Variants in THSD7B observed in about 807,000 individuals in gnomAD.
THSD7B encodes the protein thrombospondin type 1 domain containing 7B, also known as thrombospondin type-1 domain-containing protein 7B.
A neutral mutation model predicts 213.6 loss-of-function variants in THSD7B; 138 were observed. The observed-to-expected ratio is 0.65, with a 90% CI of 0.56 to 0.74. THSD7B has a LOEUF of 0.74. Among genes scored for constraint, THSD7B ranks in the 30% least tolerant of loss-of-function variants. The pLI is 0.00. For missense variants in THSD7B, 1,931 were observed against 1,991.5 expected (o/e 0.97, Z 0.58); for synonymous variants, 742 against 687.0 (o/e 1.08, Z -1.25).
chr2:137,517,909 T>A (rs1216581270), intron 15 of THSD7B, among the ~76,000 whole-genome samples: 1 of 152,156 alleles, frequency 6.6e-6, no homozygotes, highest in Non-Finnish European at 1.5e-5. Context: ...AACTGAATGT[T>A]TGACTGTGGG....
chr2:137,298,986 A>G (rs1202271099), intron 12 of THSD7B, among the ~76,000 whole-genome samples: 1 of 152,066 alleles, frequency 6.6e-6, no homozygotes, highest in Non-Finnish European at 1.5e-5. Flanking sequence ...GAAAGCCACT[A>G]TCCTCCAGAC....
In THSD7B at chr2:136,983,348, CAGACACACAG is replaced by C. The variant is rs1474158771; in HGVS notation, c.140-73070_140-73061del. On this transcript the variant is annotated intron_variant, in intron 2 of 27. Coordinates refer to ENST00000409968, the MANE Select transcript of THSD7B (RefSeq NM_001316349.2). Reference sequence around the variant, plus strand: ...TGTTGCTTCAACACACACACACACACAGACACACAGACACACACACACGCACACACACTCA... The same window carrying C: ...TGTTGCTTCAACACACACACACACACACACACACACACGCACACACACTCA... 3.8e-5 allele frequency among the ~76,000 whole-genome samples: 5 copies of C among 132,526 alleles called. 1 individual carries two copies. The South Asian group carries it at 1.1e-3, about 28-fold the overall frequency. The allele number at this position is 132,526 out of a possible 152,430, so 86.9% of individuals were successfully genotyped here.
intron 2 of THSD7B, among the ~76,000 whole-genome samples, chr2:136,899,935 A>G (rs1684036760): frequency 6.6e-6 from 1 of 152,170 alleles, no homozygotes; most frequent in Non-Finnish European, 1.5e-5. Context: ...GGTCATGAAA[A>G]ATCACTTTTC....
At chr2:137,163,265 A>C (rs1056585406) in intron 6 of THSD7B, among the ~76,000 whole-genome samples, 1 of 152,170 alleles carries the variant, frequency 6.6e-6, no homozygotes, top group Non-Finnish European at 1.5e-5. Context: ...GTATGCCCCC[A>C]AAAAGATGTG....
At chr2:136,967,065 T>A (rs1415389882) in intron 2 of THSD7B, among the ~76,000 whole-genome samples, 1 of 152,176 alleles carries the variant, frequency 6.6e-6, no homozygotes, top group East Asian at 1.9e-4. Flanking sequence ...AAGCGAATGC[T>A]GTTTCTATTT....
intron 20 of THSD7B, among the ~76,000 whole-genome samples, chr2:137,628,786 C>T (rs1682684365): frequency 1.3e-5 from 2 of 151,838 alleles, no homozygotes; most frequent in Admixed American, 1.3e-4. Context: ...ACCTGTGCTG[C>T]CCCACTGTCT....
chr2:137,149,226 T>A (rs1415584446), intron 5 of THSD7B, among the ~76,000 whole-genome samples: 2 of 152,184 alleles, frequency 1.3e-5, no homozygotes, highest in African/African-American at 2.4e-5. Context: ...AATAAAGGTT[T>A]GGGAACCTCT....
At chr2:137,362,852 G>C (rs926964113) in intron 12 of THSD7B, among the ~76,000 whole-genome samples, 2 of 152,036 alleles carry the variant, frequency 1.3e-5, no homozygotes, top group Admixed American at 6.6e-5. Flanking sequence ...ACAAGGATAT[G>C]CAGGACTTGA....
Position 136,915,546 on chromosome 2 carries a change from C to G in THSD7B, c.139+33229C>G, listed in dbSNP as rs181268647. 2.0e-5 allele frequency among the ~76,000 whole-genome samples: 3 copies of G among 152,324 alleles called. No homozygotes were observed. The East Asian group carries it at 5.8e-4, about 29-fold the overall frequency. On this transcript the variant is annotated intron_variant, in intron 2 of 27. Coordinates refer to ENST00000409968, the MANE Select transcript of THSD7B (RefSeq NM_001316349.2). ...CACTCAGTAAGCATAATTGCTAACACTTGCTACTTTTTCTTAATGGTCAGG... is the reference window on the plus strand; with the variant it reads ...CACTCAGTAAGCATAATTGCTAACAGTTGCTACTTTTTCTTAATGGTCAGG...
chr2:136,939,910 C>T (rs1215483350), intron 2 of THSD7B, among the ~76,000 whole-genome samples: 18 of 151,736 alleles, frequency 1.2e-4, no homozygotes, highest in Non-Finnish European at 2.6e-4. Flanking sequence ...ATCATTTCAT[C>T]CTGAAGTACC....
intron 17 of THSD7B, among the ~76,000 whole-genome samples, chr2:137,577,325 A>G (rs1352459123): frequency 1.3e-5 from 2 of 152,126 alleles, no homozygotes; most frequent in Non-Finnish European, 2.9e-5. Context: ...GGAGCAGTGA[A>G]TGACAATCTA....
At chr2:137,242,333 C>G in intron 9 of THSD7B, 124 bp from the exon 10 acceptor site, 2 of 679,394 alleles carry the variant, frequency 2.9e-6, no homozygotes, top group Non-Finnish European at 4.9e-6. Flanking sequence ...CCAGGAGTCT[C>G]TCTTCCCTCA....
chr2:136,846,939 A>G (rs1362782702), intron 1 of THSD7B, among the ~76,000 whole-genome samples: 1 of 152,142 alleles, frequency 6.6e-6, no homozygotes, highest in Non-Finnish European at 1.5e-5. Flanking sequence ...GTGTAATCAT[A>G]TGGGTTATTT....
intron 2 of THSD7B, among the ~76,000 whole-genome samples, chr2:136,973,704 T>A (rs1279275163): frequency 6.6e-6 from 1 of 152,216 alleles, no homozygotes; most frequent in African/African-American, 2.4e-5. Context: ...ATTGCTATTT[T>A]GCTAGTACAT....
At chr2:137,123,826 A>G (rs1345257369) in intron 5 of THSD7B, among the ~76,000 whole-genome samples, 1 of 151,524 alleles carries the variant, frequency 6.6e-6, no homozygotes, top group African/African-American at 2.4e-5. Flanking sequence ...TCTCTTTCTC[A>G]TCACCCAATA....
chr2:137,522,001 C>A (rs1360134139), intron 15 of THSD7B, among the ~76,000 whole-genome samples: 2 of 152,190 alleles, frequency 1.3e-5, no homozygotes, highest in Non-Finnish European at 2.9e-5. Flanking sequence ...TCCCACAAGA[C>A]CTCCTTGGTT....
intron 14 of THSD7B, among the ~76,000 whole-genome samples, chr2:137,418,674 C>A (rs1472546871): frequency 6.6e-6 from 1 of 151,628 alleles, no homozygotes; most frequent in African/African-American, 2.4e-5. Flanking sequence ...ACCCGTTAAT[C>A]AACCTCTCTT....
In THSD7B at chr2:137,170,713, C is replaced by G. The variant is rs559603141; in HGVS notation, c.1526-28C>G. 2.2e-5 allele frequency: 35 copies of G among 1,597,602 alleles called. 1 individual carries two copies. The South Asian group carries it at 3.5e-4, about 16-fold the overall frequency. Reference sequence around the variant, plus strand: ...CTTTCCTGGAAAAGAGTGGAATTCTCTGAAAATTCTTTTCTCTCTCTTTTT... The same window carrying G: ...CTTTCCTGGAAAAGAGTGGAATTCTGTGAAAATTCTTTTCTCTCTCTTTTT... On this transcript the variant is annotated intron_variant, in intron 6 of 27. Coordinates refer to ENST00000409968, the MANE Select transcript of THSD7B (RefSeq NM_001316349.2).
chr2:136,808,593 T>A (rs1234522766), intron 1 of THSD7B, among the ~76,000 whole-genome samples: 1 of 152,220 alleles, frequency 6.6e-6, no homozygotes, highest in Non-Finnish European at 1.5e-5. Flanking sequence ...GGCTAAATGC[T>A]TAGATGTGTG....
Sources: gnomAD v4.1 joint callset for allele counts (sites outside exome capture counted in the v4.1 genomes callset) on GRCh38, gnomAD v4.1.1 for gene constraint, MANE v1.5 for transcripts, NCBI Gene and HGNC (gene_info 2026-07-23, HGNC 2026-07-21) for gene names.